The following BCAS3 variants were observed in gnomAD, a reference collection of about 807,000 sequenced individuals.
BCAS3 encodes the protein BCAS3 microtubule associated cell migration factor, also known as BCAS4/BCAS3 fusion.
A neutral mutation model predicts 116.1 loss-of-function variants in BCAS3; 53 were observed. The ratio of observed to expected loss-of-function variants is 0.46; its 90% CI spans 0.37 to 0.57. The LOEUF (loss-of-function observed/expected upper bound fraction) is 0.57, where lower values mean the gene tolerates loss of function less well. BCAS3 is among the 20% of genes least tolerant of loss of function. The probability of loss-of-function intolerance (pLI) is 0.00; values close to 1 mark genes in which losing one functional copy is unlikely to be tolerated. For missense variants in BCAS3, 917 were observed against 1,165.4 expected (o/e 0.79, Z 3.10); for synonymous variants, 391 against 408.2 (o/e 0.96, Z 0.51).
In BCAS3 at chr17:61,317,458, G is replaced by C. The variant is rs906959184; in HGVS notation, c.2426-50869G>C. 7.9e-5 allele frequency among the ~76,000 whole-genome samples: 12 copies of C among 152,340 alleles called. 1 individual carries two copies. The East Asian group carries it at 2.1e-3, about 27-fold the overall frequency. On this transcript the variant is annotated intron_variant, in intron 22 of 23. Transcript: ENST00000407086. Reference sequence around the variant, plus strand: ...CACCTGCTTTGTAGGGCTGGGCTGAGTCAAGCCGGGAGAACCAGACAGTTC... The same window carrying C: ...CACCTGCTTTGTAGGGCTGGGCTGACTCAAGCCGGGAGAACCAGACAGTTC...
chr17:60,770,062 C>T (rs1334683276), intron 6 of BCAS3, among the ~76,000 whole-genome samples: 1 of 152,074 alleles, frequency 6.6e-6, no homozygotes, highest in African/African-American at 2.4e-5. Flanking sequence ...TGTGAGCCAC[C>T]ATTCCCAGTC....
At chr17:61,079,688 TG>T (rs2072373160) in intron 21 of BCAS3, among the ~76,000 whole-genome samples, 1 of 151,982 alleles carries the variant, frequency 6.6e-6, no homozygotes, top group Non-Finnish European at 1.5e-5. Flanking sequence ...CTCTGTCTCC[TG>T]GGTTCAAGCA....
intron 23 of BCAS3, among the ~76,000 whole-genome samples, chr17:61,382,290 C>T (rs1343862865): frequency 6.7e-6 from 1 of 149,044 alleles, no homozygotes; most frequent in Non-Finnish European, 1.5e-5. Context: ...GACAGAGTTT[C>T]ACTCTTGTTG....
In BCAS3 at chr17:61,151,718, A is replaced by G. The variant is rs2077552311; in HGVS notation, c.2425+67154A>G. On this transcript the variant is annotated intron_variant, in intron 22 of 23. Transcript: ENST00000407086. This position sits in a 1 kb window ranked among gnomAD's most constrained non-coding sequence, Gnocchi z 4.8. ...AGTGAGCCTCCTGCCTTGGCCCCGCAAAGTGCTGGGATTACAAGCATGAGC... is the reference window on the plus strand; with the variant it reads ...AGTGAGCCTCCTGCCTTGGCCCCGCGAAGTGCTGGGATTACAAGCATGAGC... Among the ~76,000 whole-genome samples the G allele has an allele frequency of 1.3e-5, 2 of 152,124 alleles. No individual in the cohort carries two copies. Among genetic ancestry groups the G allele is most frequent in the Admixed American group, 6.5e-5 (1 of 15,280 alleles).
At chr17:61,094,759 G>T (rs993386047) in intron 22 of BCAS3, among the ~76,000 whole-genome samples, 2 of 152,140 alleles carry the variant, frequency 1.3e-5, no homozygotes, top group African/African-American at 2.4e-5. Context: ...CAGGAGAATC[G>T]CTTGAACCCG....
chr17:60,757,322 TAATAATAATA>T (rs1568180314), intron 6 of BCAS3, among the ~76,000 whole-genome samples: 2 of 46,870 alleles, frequency 4.3e-5, no homozygotes, highest in East Asian at 6.7e-3. Context: ...CTCAAAAAAA[TAATAATAATA>T]AATAAATAAA....
At chr17:60,720,291 C>T (rs1313610752) in intron 5 of BCAS3, 1 of 152,120 alleles carries the variant, frequency 6.6e-6, no homozygotes, top group Non-Finnish European at 1.5e-5. Context: ...CCATGCCCAA[C>T]TGATTTTTGT....
At chr17:60,798,141 A>G (rs1462992605) in intron 6 of BCAS3, among the ~76,000 whole-genome samples, 2 of 152,228 alleles carry the variant, frequency 1.3e-5, no homozygotes, top group East Asian at 3.8e-4. Context: ...TACATTTGTT[A>G]CAAGTGATGA....
intron 22 of BCAS3, among the ~76,000 whole-genome samples, chr17:61,202,501 T>A (rs1025541786): frequency 9.9e-5 from 15 of 152,244 alleles, no homozygotes; most frequent in Non-Finnish European, 1.5e-4. Context: ...TCTTTTTTTT[T>A]TAAAATATTA....
Position 60,910,682 on chromosome 17 carries a change from G to C in BCAS3, c.973G>C (p.Glu325Gln). The change falls in exon 12 of 24, where the codon GAA (glutamate) becomes CAA (glutamine). Residue 325 changes from glutamate (E) to glutamine (Q), a missense_variant. By Grantham distance (29) the Glu-to-Gln change is conservative. This residue lies in a region of BCAS3 where 807 missense variants were observed against 1,026.0 expected (regional missense o/e 0.79). Transcript: ENST00000407086. ...AGGCATCATCACAGTTATTGACACC[G>C]AAACCGTTGGAGAGGGCCAGGTAAG... ...VPGIITVIDTETVGEGQVLVS... is the reference protein window; with the variant it reads ...VPGIITVIDTQTVGEGQVLVS... 2 of 1,608,004 alleles carry C rather than the reference G, an allele frequency of 1.2e-6. No individual in the cohort carries two copies. Among genetic ancestry groups the C allele is most frequent in the Non-Finnish European group, 1.7e-6 (2 of 1,177,240 alleles).
chr17:60,828,372 G>A (rs1429306063), intron 7 of BCAS3, among the ~76,000 whole-genome samples: 3 of 152,136 alleles, frequency 2.0e-5, no homozygotes, highest in African/African-American at 7.2e-5. Flanking sequence ...CAGTTTCTAC[G>A]TCAAGTATTT....
chr17:60,897,897 A>T (rs547194718), intron 10 of BCAS3, among the ~76,000 whole-genome samples: 103 of 137,900 alleles, frequency 7.5e-4, no homozygotes, highest in African/African-American at 3.0e-3. Context: ...TTTAATTTTT[A>T]TTTTATTTTT....
chr17:60,935,209 C>T (rs1273244279), intron 13 of BCAS3, among the ~76,000 whole-genome samples: 1 of 151,074 alleles, frequency 6.6e-6, no homozygotes, highest in African/African-American at 2.4e-5. Context: ...CATCTGAAGT[C>T]TAAAAAGGAT....
At chr17:61,074,405 T>C (rs1449264078) in intron 19 of BCAS3, among the ~76,000 whole-genome samples, 1 of 152,176 alleles carries the variant, frequency 6.6e-6, no homozygotes, top group African/African-American at 2.4e-5. Context: ...ATGTTCCTAT[T>C]TGAATGAAAA....
chr17:60,950,178 G>T (rs2060755846), intron 14 of BCAS3, among the ~76,000 whole-genome samples: 1 of 151,992 alleles, frequency 6.6e-6, no homozygotes, highest in Non-Finnish European at 1.5e-5. Context: ...GGAATTTAAA[G>T]TCCTTATTTT....
intron 22 of BCAS3, among the ~76,000 whole-genome samples, chr17:61,223,515 T>C (rs2082227117): frequency 1.3e-5 from 2 of 152,206 alleles, no homozygotes; most frequent in South Asian, 4.1e-4. Flanking sequence ...GAAATACCTC[T>C]AATCTGGTCC....
intron 22 of BCAS3, among the ~76,000 whole-genome samples, chr17:61,191,634 G>A (rs868054568): frequency 1.3e-5 from 2 of 151,998 alleles, no homozygotes; most frequent in African/African-American, 2.4e-5. Flanking sequence ...AATTAGACAG[G>A]TGTGGTGACG....
rs781501176 is a variant in BCAS3 at position 61,040,772 on chromosome 17, T to C, written c.1929-20T>C. 5.0e-6 allele frequency: 8 copies of C among 1,588,644 alleles called. No individual in the cohort carries two copies. The South Asian group carries it at 8.8e-5, about 18-fold the overall frequency. On this transcript the variant is annotated intron_variant, in intron 18 of 23. Coordinates refer to ENST00000407086, the MANE Select transcript of BCAS3 (RefSeq NM_017679.5). ...CATCTATTAAGCTTAAATATTAATA[T>C]TCTTCTCCTGTTTCCTTAGAACCCC... is the stretch of plus-strand genomic sequence containing the variant.
At chr17:61,340,205 G>T (rs2057037500) in intron 22 of BCAS3, among the ~76,000 whole-genome samples, 2 of 150,912 alleles carry the variant, frequency 1.3e-5, no homozygotes, top group African/African-American at 4.9e-5. Flanking sequence ...GGTCAAGAAG[G>T]TCTTTCTTTT....
Sources: allele counts gnomAD v4.1 joint callset (sites outside exome capture counted in the v4.1 genomes callset), GRCh38; gene constraint gnomAD v4.1.1; regional missense constraint gnomAD v4.1.1; non-coding constraint Gnocchi (gnomAD v3.1); transcripts MANE v1.5; gene names NCBI Gene and HGNC (gene_info 2026-07-23, HGNC 2026-07-21).